Variants in CDH8 observed in about 807,000 individuals in gnomAD.
CDH8 encodes cadherin-8.
A neutral mutation model predicts 68.1 loss-of-function variants in CDH8; 17 were observed. The observed-to-expected ratio is 0.25, with a 90% CI of 0.17 to 0.37. CDH8 has a LOEUF of 0.37. Ranked by LOEUF, CDH8 falls within the 10% of genes least tolerant of loss-of-function variation. The pLI is 1.00. For missense variants in CDH8, 763 were observed against 999.3 expected, an observed-to-expected ratio of 0.76 and a Z score of 3.19; for synonymous variants, 372 against 365.1, an observed-to-expected ratio of 1.02 and a Z score of -0.21.
At chr16:61,900,266 C>T (rs1323344337) in intron 3 of CDH8, among the ~76,000 whole-genome samples, 2 of 152,058 alleles carry the variant, frequency 1.3e-5, no homozygotes, top group African/African-American at 4.8e-5. Context: ...TCACCTTGTT[C>T]ACCTGCTTCA....
intron 3 of CDH8, among the ~76,000 whole-genome samples, chr16:61,878,784 A>G: frequency 6.6e-6 from 1 of 152,300 alleles, no homozygotes; most frequent in Non-Finnish European, 1.5e-5. Flanking sequence ...GTTAAAAATC[A>G]TTTTACAAAT....
intron 4 of CDH8, among the ~76,000 whole-genome samples, chr16:61,848,304 G>A (rs1426524698): frequency 2.0e-5 from 3 of 152,092 alleles, no homozygotes; most frequent in African/African-American, 7.2e-5. Flanking sequence ...AGGTGGCTGT[G>A]TAGTTCATAG....
chr16:61,967,779 C>CG (rs1965277198), intron 2 of CDH8, among the ~76,000 whole-genome samples: 1 of 152,052 alleles, frequency 6.6e-6, no homozygotes, highest in Non-Finnish European at 1.5e-5. Context: ...ACTTATACGA[C>CG]AGTTGAATTT....
intron 2 of CDH8, among the ~76,000 whole-genome samples, chr16:61,990,144 G>A (rs1246466790): frequency 6.6e-6 from 1 of 151,960 alleles, no homozygotes; most frequent in Non-Finnish European, 1.5e-5. Context: ...TTAATATGGT[G>A]TCTGGCACAG....
intron 4 of CDH8, among the ~76,000 whole-genome samples, chr16:61,844,595 A>AT (rs1367525128): frequency 6.6e-6 from 1 of 152,160 alleles, no homozygotes; most frequent in Admixed American, 6.5e-5. Context: ...GGCAATTCCC[A>AT]TTTTTAAATG....
chr16:61,963,855 T>G (rs993310931), intron 2 of CDH8, among the ~76,000 whole-genome samples: 16 of 152,244 alleles, frequency 1.1e-4, no homozygotes, highest in African/African-American at 3.9e-4. Context: ...AACACACTTT[T>G]AAGTTTGTTC....
chr16:61,856,515 C>T (rs1198822801), intron 4 of CDH8, among the ~76,000 whole-genome samples: 1 of 152,082 alleles, frequency 6.6e-6, no homozygotes, highest in Non-Finnish European at 1.5e-5. Flanking sequence ...CTTATAAAAT[C>T]TGTACCACCA....
At chr16:61,778,914 G>A (rs765049582) in intron 8 of CDH8, among the ~76,000 whole-genome samples, 17 of 152,066 alleles carry the variant, frequency 1.1e-4, no homozygotes, top group Non-Finnish European at 1.6e-4. Flanking sequence ...CCCCATGCTA[G>A]GAAAAAACAA....
At chr16:62,028,534 G>C (rs58440462) in intron 1 of CDH8, among the ~76,000 whole-genome samples, 1 of 152,016 alleles carries the variant, frequency 6.6e-6, no homozygotes, top group South Asian at 2.1e-4. Context: ...TCTTCACGTA[G>C]AAATTTTTCT....
intron 7 of CDH8, among the ~76,000 whole-genome samples, chr16:61,797,267 G>C (rs1961521835): frequency 6.6e-6 from 1 of 151,974 alleles, no homozygotes; most frequent in South Asian, 2.1e-4. Flanking sequence ...CAATATACAT[G>C]CAGAACACTT....
chr16:61,812,587 GAAA>G (rs974890670), intron 7 of CDH8, among the ~76,000 whole-genome samples: 2 of 148,076 alleles, frequency 1.4e-5, no homozygotes, highest in Admixed American at 1.3e-4. Context: ...TTTATGAAAG[GAAA>G]AAAAAAATGG....
At chr16:61,690,506 T>C (rs1964198614) in intron 10 of CDH8, among the ~76,000 whole-genome samples, 1 of 152,112 alleles carries the variant, frequency 6.6e-6, no homozygotes, top group African/African-American at 2.4e-5. Context: ...TGATAAGATC[T>C]TCAGGGTTTG....
At chr16:61,665,018 T>C (rs903420301) in intron 10 of CDH8, among the ~76,000 whole-genome samples, 1 of 152,072 alleles carries the variant, frequency 6.6e-6, no homozygotes. Flanking sequence ...ACGTAAATAA[T>C]TCTTCTGTTG....
chr16:62,035,199 G>T (rs1902425595), intron 1 of CDH8: 1 of 152,268 alleles, frequency 6.6e-6, no homozygotes, highest in South Asian at 2.1e-4. Context: ...CAGAACCTAG[G>T]CAAGAGCCTT....
intron 8 of CDH8, among the ~76,000 whole-genome samples, chr16:61,744,654 T>C (rs965061804): frequency 6.7e-5 from 10 of 148,590 alleles, no homozygotes; most frequent in Admixed American, 2.0e-4. Context: ...TTTTAACTAA[T>C]TAGTTTTAAT....
At chr16:61,989,161 T>G (rs555133330) in intron 2 of CDH8, among the ~76,000 whole-genome samples, 1 of 152,288 alleles carries the variant, frequency 6.6e-6, no homozygotes, top group Non-Finnish European at 1.5e-5. Flanking sequence ...CTTAGTCAGA[T>G]GGAGAAAGAT....
intron 7 of CDH8, among the ~76,000 whole-genome samples, chr16:61,791,485 C>G (rs1961379299): frequency 6.6e-6 from 1 of 151,962 alleles, no homozygotes; most frequent in Non-Finnish European, 1.5e-5. Flanking sequence ...TAAAAAATGT[C>G]CAGAGGATTA....
chr16:61,942,843 G>A (rs1964744884), intron 2 of CDH8, among the ~76,000 whole-genome samples: 1 of 152,196 alleles, frequency 6.6e-6, no homozygotes, highest in African/African-American at 2.4e-5. Flanking sequence ...AGGCTGAGGT[G>A]TGAGGCTCAC....
chr16:61,992,077 T>TGTGTGTGTGTGAGA lies in CDH8; in HGVS notation c.252+29074_252+29075insTCTCACACACACAC, dbSNP rs34925928. 8.3e-3 allele frequency among the ~76,000 whole-genome samples: 1,198 copies of TGTGTGTGTGTGAGA among 144,198 alleles called. 14 individuals carry two copies. Among genetic ancestry groups the TGTGTGTGTGTGAGA allele is most frequent in the East Asian group, 0.057 (265 of 4,686 alleles). 94.6% of individuals were successfully genotyped at this position (144,198 alleles called of 152,430 possible). A position where few individuals can be genotyped will look rare whatever the true frequency, so the allele number is the denominator to read the frequency against. On this transcript the variant is annotated intron_variant, in intron 2 of 11. Transcript: ENST00000577390. Reference sequence around the variant, plus strand: ...GTGTGTGTGTGTGTGTGTGTGTGTGTGAGAGAGAGAGAGAGATTTTTACAG... The same window carrying TGTGTGTGTGTGAGA: ...GTGTGTGTGTGTGTGTGTGTGTGTGTGTGTGTGTGTGAGAGAGAGAGAGAGAGAGATTTTTACAG...
Sources: gnomAD v4.1 joint callset for allele counts (sites outside exome capture counted in the v4.1 genomes callset) on GRCh38, gnomAD v4.1.1 for gene constraint, MANE v1.5 for transcripts, NCBI Gene and HGNC (gene_info 2026-07-23, HGNC 2026-07-21) for gene names.